The following PACRG variants were observed in gnomAD, a reference collection of about 807,000 sequenced individuals.
PACRG encodes the protein parkin coregulated, also known as parkin coregulated gene protein.
PACRG carries 29 observed loss-of-function variants against 29.7 expected under a neutral mutation model. The observed-to-expected ratio is 0.98, with a 90% CI of 0.73 to 1.33. PACRG has a LOEUF of 1.33. Ranked by LOEUF, PACRG falls within the 40% of genes most tolerant of loss-of-function variation. PACRG has a pLI of 0.00. For synonymous variants in PACRG, 116 were observed against 118.7 expected (o/e 0.98, Z 0.15); for missense variants, 279 against 316.2 (o/e 0.88, Z 0.89).
At chr6:162,957,420 T>C (rs997647265) in intron 2 of PACRG, 17 of 531,644 alleles carry the variant, frequency 3.2e-5, no homozygotes, top group Middle Eastern at 6.2e-4. Flanking sequence ...CACGGACCCC[T>C]CAAAGTCTGC....
chr6:163,080,102 G>T (rs1195157837), intron 3 of PACRG, among the ~76,000 whole-genome samples: 1 of 151,708 alleles, frequency 6.6e-6, no homozygotes, highest in African/African-American at 2.4e-5. Flanking sequence ...GTTTCACCGT[G>T]TTAGCCAGGA....
At chr6:162,792,256 G>A (rs533205090) in intron 1 of PACRG, among the ~76,000 whole-genome samples, 77 of 152,234 alleles carry the variant, frequency 5.1e-4, no homozygotes, top group Non-Finnish European at 8.7e-4. Context: ...GCAAGGGAGA[G>A]ATTGTACCGA....
chr6:163,149,736 C>G (rs377177563), intron 4 of PACRG, among the ~76,000 whole-genome samples: 1 of 152,176 alleles, frequency 6.6e-6, no homozygotes, highest in Non-Finnish European at 1.5e-5. Context: ...AGCTGTCTCC[C>G]CCGACCCCGG....
intron 1 of PACRG, among the ~76,000 whole-genome samples, chr6:162,769,425 G>A (rs919129951): frequency 6.6e-6 from 1 of 151,954 alleles, no homozygotes; most frequent in South Asian, 2.1e-4. Context: ...TAAACTGTTA[G>A]GGAGGTTAAA....
intron 2 of PACRG, among the ~76,000 whole-genome samples, chr6:162,989,114 G>T (rs1803177652): frequency 1.3e-5 from 2 of 152,160 alleles, no homozygotes; most frequent in East Asian, 3.9e-4. Context: ...ATGTAGAGAA[G>T]GGGGCAGATT....
chr6:162,920,983 A>G (rs1436722995), intron 2 of PACRG, among the ~76,000 whole-genome samples: 50 of 152,348 alleles, frequency 3.3e-4, no homozygotes, highest in Admixed American at 3.1e-3. Flanking sequence ...TAATGTATCT[A>G]TTATATTTTA....
At chr6:163,091,028 G>C (rs1359653743) in intron 4 of PACRG, among the ~76,000 whole-genome samples, 1 of 152,192 alleles carries the variant, frequency 6.6e-6, no homozygotes, top group Non-Finnish European at 1.5e-5. Flanking sequence ...AGATGAGCCT[G>C]AACACATTTC....
At chr6:162,731,057 A>G (rs567730693) in intron 1 of PACRG, among the ~76,000 whole-genome samples, 2 of 152,320 alleles carry the variant, frequency 1.3e-5, no homozygotes, top group African/African-American at 2.4e-5. Flanking sequence ...TAAGCTTTCT[A>G]TTACAGCTTT....
intron 4 of PACRG, among the ~76,000 whole-genome samples, chr6:163,290,090 C>T (rs192468623): frequency 2.6e-5 from 4 of 152,142 alleles, no homozygotes; most frequent in African/African-American, 9.6e-5. Flanking sequence ...GAACTCCTGA[C>T]CTCAGATGAT....
intron 2 of PACRG, among the ~76,000 whole-genome samples, chr6:162,910,559 A>G (rs927010669): frequency 1.2e-4 from 18 of 152,228 alleles, no homozygotes; most frequent in Non-Finnish European, 1.9e-4. Flanking sequence ...TTGAATTGAA[A>G]AAAAACCACA....
intron 4 of PACRG, among the ~76,000 whole-genome samples, chr6:163,269,762 G>GAGAGAGAGACAGACAGAC (rs796202675): frequency 0.033 from 1,665 of 51,190 alleles, 276 homozygotes; most frequent in Admixed American, 0.055. Context: ...GAGAGAGAGA[G>GAGAGAGAGACAGACAGAC]AGACAGACAG....
chr6:162,884,786 C>A (rs9295204), intron 2 of PACRG, among the ~76,000 whole-genome samples: 1 of 151,882 alleles, frequency 6.6e-6, no homozygotes, highest in Admixed American at 6.6e-5. Context: ...TGTGTATTTT[C>A]CCAGCTCCCC....
chr6:162,979,092 C>T (rs1286736355), intron 2 of PACRG, among the ~76,000 whole-genome samples: 1 of 152,084 alleles, frequency 6.6e-6, no homozygotes, highest in Non-Finnish European at 1.5e-5. Flanking sequence ...TGATAATAAC[C>T]TGTCTTTATA....
At chr6:163,042,260 G>A (rs527954498) in intron 2 of PACRG, among the ~76,000 whole-genome samples, 7 of 152,326 alleles carry the variant, frequency 4.6e-5, no homozygotes, top group Non-Finnish European at 7.3e-5. Context: ...AGTCCAGAGA[G>A]CCAGGAGCAA....
intron 4 of PACRG, among the ~76,000 whole-genome samples, chr6:163,192,246 C>A (rs117387175): frequency 1.3e-5 from 2 of 152,138 alleles, no homozygotes; most frequent in African/African-American, 2.4e-5. Flanking sequence ...TGCAAAGGAA[C>A]CTTAAAGTAT....
intron 4 of PACRG, among the ~76,000 whole-genome samples, chr6:163,134,743 T>A (rs145499327): frequency 4.1e-3 from 624 of 152,302 alleles, no homozygotes; most frequent in Middle Eastern, 0.01. Context: ...ACCTAACAAC[T>A]ACTACTACTA....
chr6:162,995,427 G>A (rs1803915567), intron 2 of PACRG, among the ~76,000 whole-genome samples: 1 of 152,174 alleles, frequency 6.6e-6, no homozygotes, highest in Non-Finnish European at 1.5e-5. Context: ...AGCCAGGTGT[G>A]GGATATAGTC....
chr6:162,848,845 T>G (rs928185120), intron 2 of PACRG, among the ~76,000 whole-genome samples: 1 of 152,250 alleles, frequency 6.6e-6, no homozygotes, highest in Non-Finnish European at 1.5e-5. Flanking sequence ...TGTCTTTGCC[T>G]TCTGAATTTC....
intron 4 of PACRG, among the ~76,000 whole-genome samples, chr6:163,152,836 CA>C (rs1778154114): frequency 6.6e-6 from 1 of 152,212 alleles, no homozygotes; most frequent in Non-Finnish European, 1.5e-5. Flanking sequence ...ACTGTTGCTT[CA>C]AGGCAGAGAT....
Sources: allele counts gnomAD v4.1 joint callset (sites outside exome capture counted in the v4.1 genomes callset), GRCh38; gene constraint gnomAD v4.1.1; transcripts MANE v1.5; gene names NCBI Gene and HGNC (gene_info 2026-07-23, HGNC 2026-07-21).